Variants in ZNF142 observed in about 807,000 individuals in gnomAD.
ZNF142 encodes zinc finger protein 142 (clone pHZ-49).
A neutral mutation model predicts 132.1 loss-of-function variants in ZNF142; 96 were observed. The ratio of observed to expected loss-of-function variants is 0.73; its 90% confidence interval spans 0.62 to 0.86. The LOEUF is 0.86. Among genes scored for constraint, ZNF142 ranks in the 40% least tolerant of loss-of-function variants. The pLI, the probability that ZNF142 is intolerant of heterozygous loss-of-function variation, is 0.00. For missense variants in ZNF142, 2,163 were observed against 2,336.2 expected (o/e 0.93, Z 1.53); for synonymous variants, 842 against 890.1 (o/e 0.95, Z 0.96).
chr2:218,635,951 G>A lies in ZNF142; in HGVS notation c.*2388C>T, dbSNP rs1283754862. The A allele has an allele frequency of 6.2e-7, 1 of 1,613,962 alleles. No individual in the cohort carries two copies. Among genetic ancestry groups the A allele is most frequent in the South Asian group, 1.1e-5 (1 of 91,078 alleles). ...ACAATGGTGAGAAACTGGCAGTGCT[G>A]GGGAGGTGGGGGTAGGAGCATGATT... On this transcript the variant is annotated 3_prime_UTR_variant, in exon 11 of 11. Transcript: ENST00000411696.
rs1289772457 is a variant in ZNF142 at position 218,635,178 on chromosome 2, G to C, written c.*3161C>G. 1.3e-5 allele frequency among the ~76,000 whole-genome samples: 2 copies of C among 152,078 alleles called. No individual in the cohort carries two copies. The highest frequency in any genetic ancestry group is 3.9e-4 in the East Asian group (2 of 5,192). On this transcript the variant is annotated 3_prime_UTR_variant, in exon 11 of 11. Coordinates refer to ENST00000411696, the MANE Select transcript of ZNF142 (RefSeq NM_001379659.1). ...GGCTACTCAGGAGGCTAAGGCTGGA[G>C]GGTCACTTTAGCCCAGGAGATGGAG...
At position 218,651,693 on chromosome 2, in the gene ZNF142, C is replaced by A. The variant is rs1293419296; in HGVS notation, c.880+8G>T. 1.6e-6 allele frequency: 2 copies of A among 1,276,218 alleles called. No individual in the cohort carries two copies. The highest frequency in any genetic ancestry group is 2.3e-5 in the Admixed American group (1 of 42,674). The allele number at this position is 1,276,218 out of a possible 1,614,324, so 79.1% of individuals were successfully genotyped here. ...AGGAGAGGAACTGCTTGGCCCTTGG[C>A]CTCATACCTGGCAGCAGCTCCTGGG... On this transcript the variant is annotated splice_region_variant and intron_variant, in intron 5 of 10. Coordinates refer to ENST00000411696, the MANE Select transcript of ZNF142 (RefSeq NM_001379659.1).
intron 7 of ZNF142, among the ~76,000 whole-genome samples, 176 bp from the exon 8 acceptor site, chr2:218,646,524 CA>C (rs999992485): frequency 5.3e-5 from 8 of 152,108 alleles, no homozygotes; most frequent in Non-Finnish European, 1.0e-4. Flanking sequence ...CCCTCTCAGA[CA>C]ACTACTCCCC....
chr2:218,648,445 G>A (rs752159805), intron 7 of ZNF142, among the ~76,000 whole-genome samples, 190 bp downstream of exon 7: 1 of 152,196 alleles, frequency 6.6e-6, no homozygotes, highest in Non-Finnish European at 1.5e-5. Context: ...AGACTGCATG[G>A]ATTCAAATCC....
chr2:218,642,792 T>C lies in ZNF142; in HGVS notation c.4324A>G (p.Lys1442Glu), dbSNP rs759670865. Residue 1442 changes from lysine to glutamate, a missense_variant, in exon 9 of 11, where the codon AAA (lysine) becomes GAA (glutamate). This residue lies in a region of ZNF142 where 809 missense variants were observed against 801.7 expected (regional missense o/e 1.01). Coordinates refer to ENST00000411696, the MANE Select transcript of ZNF142 (RefSeq NM_001379659.1). The surrounding 1 kb of genome is among the most constrained non-coding windows in gnomAD (Gnocchi z 4.6). Reference sequence around the variant, plus strand: ...ACCCTTAACCGGTGCAAGCGCAGTTTCGAGTTGGTACCAAACGTCTGGGGG... The same window carrying C: ...ACCCTTAACCGGTGCAAGCGCAGTTCCGAGTTGGTACCAAACGTCTGGGGG... ...SCPQTFGTNS[K>E]LRLHRLRVHD... is the part of the protein sequence containing the mutation. 1 of 1,614,210 alleles carries C rather than the reference T, an allele frequency of 6.2e-7. No individual in the cohort carries two copies. Among genetic ancestry groups the C allele is most frequent in the East Asian group, 2.2e-5 (1 of 44,882 alleles).
chr2:218,643,535 T>C lies in ZNF142; in HGVS notation c.3581A>G (p.Glu1194Gly), dbSNP rs780893839. 5 of 1,609,206 alleles carry C rather than the reference T, an allele frequency of 3.1e-6. No individual in the cohort carries two copies. Among genetic ancestry groups the C allele is most frequent in the Non-Finnish European group, 4.2e-6 (5 of 1,176,742 alleles). The change falls in exon 9 of 11, where the codon GAG (glutamate) becomes GGG (glycine). Residue 1194 changes from glutamate to glycine, a missense_variant. Glu to Gly is a moderately conservative substitution (Grantham distance 98). This residue lies in a region of ZNF142 where 809 missense variants were observed against 801.7 expected (regional missense o/e 1.01). Transcript: ENST00000411696. ...VPPAGNSSPT[E>G]APKKHHLDPV... ...GTCAAGGTGGTGCTTCTTAGGGGCC[T>C]CCGTGGGTGAGGAGTTTCCTGCAGG...
chr2:218,649,189 C>T lies in ZNF142; in HGVS notation c.1319G>A (p.Ser440Asn), dbSNP rs1207006715. 6.2e-7 allele frequency: 1 copy of T among 1,614,258 alleles called. No homozygotes were observed. The part of the protein sequence containing the change: ...ERNALNRHMA[S>N]MHEDISNFYS... ...GAAGTTGGAAATATCTTCATGCATG[C>T]TGGCCATGTGGCGGTTGAGTGCATT... The change falls in exon 7 of 11, where the codon AGC (serine) becomes AAC (asparagine). Residue 440 changes from serine to asparagine, a missense_variant. By Grantham distance (46) the Ser-to-Asn change is conservative. Coordinates refer to ENST00000411696, the MANE Select transcript of ZNF142 (RefSeq NM_001379659.1).
At position 218,635,590 on chromosome 2, in the gene ZNF142, C is replaced by T. The variant is rs530808344; in HGVS notation, c.*2749G>A. Among the ~76,000 whole-genome samples, 16 of 152,308 alleles carry T rather than the reference C, an allele frequency of 1.1e-4. No individual in the cohort carries two copies. The highest frequency in any genetic ancestry group is 2.9e-4 in the African/African-American group (12 of 41,560). On this transcript the variant is annotated 3_prime_UTR_variant, in exon 11 of 11. Coordinates refer to ENST00000411696, the MANE Select transcript of ZNF142 (RefSeq NM_001379659.1). ...TCAAGTGATCTGCCCACCTCGGCCT[C>T]CTGAAGTGTTGGGATTACAGGTGTG...
intron 6 of ZNF142, 48 bp from the exon 7 acceptor site, chr2:218,649,507 A>C: frequency 6.8e-7 from 1 of 1,468,906 alleles, no homozygotes; most frequent in Non-Finnish European, 9.1e-7. Context: ...TTTTCTGGGG[A>C]AAGCCAGATA....
Position 218,636,315 on chromosome 2 carries a change from T to C in ZNF142, c.*2024A>G, listed in dbSNP as rs1696744710. The stretch of plus-strand genomic sequence containing the variant: ...CCTGAACTTGCCATGCTGCGTTTTG[T>C]GGTAATGGATTATGACTGGAAATCC... On this transcript the variant is annotated 3_prime_UTR_variant, in exon 11 of 11. Transcript: ENST00000411696. 1 of 1,614,030 alleles carries C rather than the reference T, an allele frequency of 6.2e-7. No homozygotes were observed. The highest frequency in any genetic ancestry group is 8.5e-7 in the Non-Finnish European group (1 of 1,179,894).
At chr2:218,657,263 C>T (rs1312584998) in intron 3 of ZNF142, among the ~76,000 whole-genome samples, 1 of 152,168 alleles carries the variant, frequency 6.6e-6, no homozygotes, top group African/African-American at 2.4e-5. Context: ...AGATGATGTG[C>T]CATTCTCCAG....
In ZNF142 at chr2:218,659,404, T is replaced by A. The variant is rs1021029658; in HGVS notation, c.-397A>T. On this transcript the variant is annotated 5_prime_UTR_variant, in exon 1 of 11. Transcript: ENST00000411696. This position sits in a 1 kb window ranked among gnomAD's most constrained non-coding sequence, Gnocchi z 4.4. ...AGAGCCGGCGGGAGCCGCATCTCTA[T>A]GGTCGGCCGCGGCTGGAACGGCCCC... 6.6e-6 allele frequency: 1 copy of A among 152,168 alleles called. No homozygotes were observed. Among genetic ancestry groups the A allele is most frequent in the Non-Finnish European group, 1.5e-5 (1 of 68,064 alleles). The allele number at this position is 152,168 out of a possible 1,614,324, so 9.4% of individuals were successfully genotyped here. A position where few individuals can be genotyped will look rare whatever the true frequency, so the allele number is the denominator to read the frequency against.
chr2:218,634,202 G>C lies in ZNF142; in HGVS notation c.*4137C>G, dbSNP rs1335393260. ...CCAACTACAACCCCCAGGAACTCTGGAATGCAGGCTGCCAGATGGGTGAGG... is the reference window on the plus strand; with the variant it reads ...CCAACTACAACCCCCAGGAACTCTGCAATGCAGGCTGCCAGATGGGTGAGG... On this transcript the variant is annotated 3_prime_UTR_variant, in exon 11 of 11. Coordinates refer to ENST00000411696, the MANE Select transcript of ZNF142 (RefSeq NM_001379659.1). The surrounding 1 kb of genome is among the most constrained non-coding windows in gnomAD (Gnocchi z 4.0). The C allele has an allele frequency of 6.2e-7, 1 of 1,611,036 alleles. No homozygotes were observed. Among genetic ancestry groups the C allele is most frequent in the Non-Finnish European group, 8.5e-7 (1 of 1,178,632 alleles).
rs1404705059 is a variant in ZNF142 at position 218,637,308 on chromosome 2, C to T, written c.*1031G>A. The T allele has an allele frequency of 1.2e-5, 2 of 166,394 alleles. No individual in the cohort carries two copies. The highest frequency in any genetic ancestry group is 2.4e-5 in the African/African-American group (1 of 41,686). The allele number at this position is 166,394 out of a possible 1,614,324, so 10.3% of individuals were successfully genotyped here. On this transcript the variant is annotated 3_prime_UTR_variant, in exon 11 of 11. Coordinates refer to ENST00000411696, the MANE Select transcript of ZNF142 (RefSeq NM_001379659.1). ...CCCAGGAGACCTCTTGCATGTGCTA[C>T]ATAGGAAGGACACAGAGTATGGCTT...
rs1696667176 is a variant in ZNF142 at position 218,635,410 on chromosome 2, C to A, written c.*2929G>T. On this transcript the variant is annotated 3_prime_UTR_variant, in exon 11 of 11. Coordinates refer to ENST00000411696, the MANE Select transcript of ZNF142 (RefSeq NM_001379659.1). ...CTGGAGTGCAGTGGCATGATCTTGG[C>A]TCACTGCAACCTCCGCCTCCTGGGT... Among the ~76,000 whole-genome samples the A allele has an allele frequency of 6.6e-6, 1 of 152,162 alleles. No individual in the cohort carries two copies. The highest frequency in any genetic ancestry group is 1.5e-5 in the Non-Finnish European group (1 of 68,030).
chr2:218,642,899 T>C lies in ZNF142; in HGVS notation c.4217A>G (p.Asp1406Gly), dbSNP rs376888579. The C allele has an allele frequency of 7.1e-5, 115 of 1,613,858 alleles. No individual in the cohort carries two copies. Among genetic ancestry groups the C allele is most frequent in the Non-Finnish European group, 8.8e-5 (104 of 1,180,016 alleles). Residue 1406 changes from aspartate (D) to glycine (G), a missense_variant, in exon 9 of 11, where the codon GAC (aspartate) becomes GGC (glycine). By Grantham distance (94) the Asp-to-Gly change is moderately conservative (BLOSUM62 -1). Around this residue, in one of 7 missense-constraint regions of ZNF142, gnomAD observed 809 missense variants for 801.7 expected, o/e 1.01. Coordinates refer to ENST00000411696, the MANE Select transcript of ZNF142 (RefSeq NM_001379659.1). This position sits in a 1 kb window ranked among gnomAD's most constrained non-coding sequence, Gnocchi z 4.6. ...CCGGTACCGTCTGGTGGTCGAAAAG[T>C]CACAGAAGGGGCACTGATGGGGCTT... ...GVKPHQCPFC[D>G]FSTTRRYRLE...
rs780001455 is a variant in ZNF142, at chr2:218,634,736, A to T, written c.*3603T>A. 7.6e-7 allele frequency: 1 copy of T among 1,320,586 alleles called. No individual in the cohort carries two copies. Among genetic ancestry groups the T allele is most frequent in the Non-Finnish European group, 1.0e-6 (1 of 957,514 alleles). The allele number at this position is 1,320,586 out of a possible 1,614,324, so 81.8% of individuals were successfully genotyped here. Reference sequence around the variant, plus strand: ...AATGTAGAGGCCGGATAGCCTATTAACAGTGTCTAGTTTTAGCTTTTGGAG... The same window carrying T: ...AATGTAGAGGCCGGATAGCCTATTATCAGTGTCTAGTTTTAGCTTTTGGAG... On this transcript the variant is annotated 3_prime_UTR_variant, in exon 11 of 11. Transcript: ENST00000411696. This position sits in a 1 kb window ranked among gnomAD's most constrained non-coding sequence, Gnocchi z 4.0.
intron 3 of ZNF142, among the ~76,000 whole-genome samples, chr2:218,656,962 A>G (rs1362175960): frequency 6.6e-6 from 1 of 151,968 alleles, no homozygotes; most frequent in Non-Finnish European, 1.5e-5. Context: ...GACTACAGGC[A>G]TGTGCCACAC....
Position 218,635,847 on chromosome 2 carries a change from A to G in ZNF142, c.*2492T>C. On this transcript the variant is annotated 3_prime_UTR_variant, in exon 11 of 11. Coordinates refer to ENST00000411696, the MANE Select transcript of ZNF142 (RefSeq NM_001379659.1). Reference sequence around the variant, plus strand: ...AGTGGACAAGACCAAAGAGGGGTCCATTGTGGATCCACTGGTGAAAGTGCA... The same window carrying G: ...AGTGGACAAGACCAAAGAGGGGTCCGTTGTGGATCCACTGGTGAAAGTGCA... The G allele has an allele frequency of 6.2e-7, 1 of 1,613,966 alleles. No homozygotes were observed. The highest frequency in any genetic ancestry group is 8.5e-7 in the Non-Finnish European group (1 of 1,179,876).
Sources: allele counts gnomAD v4.1 joint callset (sites outside exome capture counted in the v4.1 genomes callset), GRCh38; gene constraint gnomAD v4.1.1; regional missense constraint gnomAD v4.1.1; non-coding constraint Gnocchi (gnomAD v3.1); transcripts MANE v1.5; gene names NCBI Gene and HGNC (gene_info 2026-07-23, HGNC 2026-07-21).